SPAG6: variants seen among roughly 807,000 people sequenced by gnomAD.
SPAG6 encodes the protein sperm-associated antigen 6.
SPAG6 carries 49 observed loss-of-function variants against 58.5 expected under a neutral mutation model. The ratio of observed to expected loss-of-function variants is 0.84; its 90% CI spans 0.67 to 1.06. The LOEUF (loss-of-function observed/expected upper bound fraction) is 1.06, where lower values mean the gene tolerates loss of function less well. SPAG6 is among the 50% of genes least tolerant of loss of function. The pLI is 0.00. For synonymous variants in SPAG6, 233 were observed against 225.6 expected (o/e 1.03, Z -0.29); for missense variants, 560 against 611.3 (o/e 0.92, Z 0.89).
chr10:22,349,388 C>G (rs756040002), intron 2 of SPAG6, among the ~76,000 whole-genome samples: 2 of 152,152 alleles, frequency 1.3e-5, no homozygotes, highest in Non-Finnish European at 2.9e-5. Context: ...TACTTCCCGT[C>G]TGAATAATTA....
Position 22,417,468 on chromosome 10 carries a change from C to G in SPAG6, c.*780C>G, listed in dbSNP as rs1185935516. 1 of 152,164 alleles carries G rather than the reference C, an allele frequency of 6.6e-6. No homozygotes were observed. Among genetic ancestry groups the G allele is most frequent in the East Asian group, 1.9e-4 (1 of 5,198 alleles). 9.4% of individuals were successfully genotyped at this position (152,164 alleles called of 1,614,324 possible). A position where few individuals can be genotyped will look rare whatever the true frequency, so the allele number is the denominator to read the frequency against. ...GATCCTTGTCCTAACGTCACTTTCC[C>G]AAGTTTCAAAAGTCACATTTTCAGG... On this transcript the variant is annotated 3_prime_UTR_variant, in exon 11 of 11. Coordinates refer to ENST00000376624, the MANE Select transcript of SPAG6 (RefSeq NM_012443.4).
At position 22,387,910 on chromosome 10, in the gene SPAG6, G is replaced by T; in HGVS notation, c.766G>T (p.Val256Leu). 1.2e-6 allele frequency: 2 copies of T among 1,613,184 alleles called. No individual in the cohort carries two copies. The highest frequency in any genetic ancestry group is 1.7e-6 in the Non-Finnish European group (2 of 1,179,608). Reference protein sequence around the residue: ...MVVEAEIFPVVLTCLKDKDEY... With the variant: ...MVVEAEIFPVLLTCLKDKDEY... ...TGTTGAAGCAGAGATTTTTCCAGTTGTACTTACCTGTCTGAAGGACAAGGA... is the reference window on the plus strand; with the variant it reads ...TGTTGAAGCAGAGATTTTTCCAGTTTTACTTACCTGTCTGAAGGACAAGGA... The change falls in exon 6 of 11, where the codon GTA becomes TTA. Residue 256 changes from valine to leucine, a missense_variant. Coordinates refer to ENST00000376624, the MANE Select transcript of SPAG6 (RefSeq NM_012443.4).
rs1353996396 is a variant in SPAG6 at position 22,346,513 on chromosome 10, C to CTCTTCT, written c.121+706_121+711dup. On this transcript the variant is annotated intron_variant, in intron 2 of 10. Transcript: ENST00000376624. ...TTCTTCTTCTTTCTTCTTCTTCTTC[C>CTCTTCT]TCTTCTTCTTCTTCTTTTCTTCTTT... Among the ~76,000 whole-genome samples the CTCTTCT allele has an allele frequency of 1.3e-3, 90 of 71,320 alleles. 2 individuals are homozygous for CTCTTCT. Among genetic ancestry groups the CTCTTCT allele is most frequent in the African/African-American group, 3.7e-3 (69 of 18,834 alleles). The allele number at this position is 71,320 out of a possible 152,430, so 46.8% of individuals were successfully genotyped here.
chr10:22,408,958 G>A (rs908348752), intron 9 of SPAG6, among the ~76,000 whole-genome samples: 7 of 152,176 alleles, frequency 4.6e-5, no homozygotes, highest in East Asian at 1.9e-4. Flanking sequence ...GACCCCTTGC[G>A]CTTCCCGAGT....
At position 22,345,917 on chromosome 10, in the gene SPAG6, G is replaced by T; in HGVS notation, c.121+99G>T. The T allele has an allele frequency of 6.4e-7, 1 of 1,573,204 alleles. No individual in the cohort carries two copies. Among genetic ancestry groups the T allele is most frequent in the Non-Finnish European group, 8.6e-7 (1 of 1,159,630 alleles). On this transcript the variant is annotated intron_variant, in intron 2 of 10. Transcript: ENST00000376624. The surrounding 1 kb of genome is among the most constrained non-coding windows in gnomAD (Gnocchi z 6.3). Reference sequence around the variant, plus strand: ...CGTGGAGCTCTTGGGGAGCCGCAGTGTGGGGACCGGAGTTCGCAAAAGCAT... The same window carrying T: ...CGTGGAGCTCTTGGGGAGCCGCAGTTTGGGGACCGGAGTTCGCAAAAGCAT...
chr10:22,373,346 GT>G (rs1833745628), intron 4 of SPAG6, among the ~76,000 whole-genome samples: 2 of 152,238 alleles, frequency 1.3e-5, no homozygotes, highest in South Asian at 4.1e-4. Flanking sequence ...AAAATGAAAA[GT>G]TTAAAATTCA....
At chr10:22,399,991 T>C (rs1834372929) in intron 8 of SPAG6, among the ~76,000 whole-genome samples, 1 of 152,160 alleles carries the variant, frequency 6.6e-6, no homozygotes, top group African/African-American at 2.4e-5. Flanking sequence ...TGAGGATAAA[T>C]GTGTCAAGCA....
rs1218619228 is a variant in SPAG6 at position 22,345,618 on chromosome 10, C to T, written c.7C>T (p.Gln3Ter). Reference sequence around the variant, plus strand: ...AGACGGCGGCGGGGGCGCCATGAGTCAGAGGCAGGTGCTGCAAGGTAGGGC... The same window carrying T: ...AGACGGCGGCGGGGGCGCCATGAGTTAGAGGCAGGTGCTGCAAGGTAGGGC... The part of the protein sequence containing the change: MS[Q>*]RQVLQVFEQY... The change falls in exon 1 of 11, where the codon CAG (glutamine) becomes TAG (stop). Residue 3 changes from glutamine (Q) to a stop codon, truncating the protein, a stop_gained. Coordinates refer to ENST00000376624, the MANE Select transcript of SPAG6 (RefSeq NM_012443.4). LOFTEE classifies it high-confidence loss of function. This position sits in a 1 kb window ranked among gnomAD's most constrained non-coding sequence, Gnocchi z 6.3. The T allele has an allele frequency of 1.3e-6, 2 of 1,535,464 alleles. No homozygotes were observed. The highest frequency in any genetic ancestry group is 1.8e-6 in the Non-Finnish European group (2 of 1,142,494).
intron 2 of SPAG6, among the ~76,000 whole-genome samples, chr10:22,355,318 A>G (rs1183529780): frequency 6.6e-6 from 1 of 152,176 alleles, no homozygotes; most frequent in Non-Finnish European, 1.5e-5. Context: ...CACATGGGAA[A>G]TGCTATATAA....
intron 5 of SPAG6, 108 bp downstream of exon 5, chr10:22,387,067 T>C (rs1009777272): frequency 5.1e-6 from 4 of 783,112 alleles, no homozygotes; most frequent in Non-Finnish European, 4.2e-6. Flanking sequence ...CAAATTATCA[T>C]TGAAAACAGA....
chr10:22,348,335 A>G (rs1836624673), intron 2 of SPAG6, among the ~76,000 whole-genome samples: 1 of 152,228 alleles, frequency 6.6e-6, no homozygotes, highest in African/African-American at 2.4e-5. Flanking sequence ...TTAAAAAATT[A>G]CAATTTTAAA....
At chr10:22,412,877 T>C (rs114368401) in intron 10 of SPAG6, 2,282 of 156,168 alleles carry the variant, frequency 0.015, 41 homozygotes, top group African/African-American at 0.051. Flanking sequence ...GGCCACAAAT[T>C]TATATTTTAA....
intron 4 of SPAG6, among the ~76,000 whole-genome samples, chr10:22,370,665 ACTCTT>A (rs1833662829): frequency 6.6e-6 from 1 of 152,094 alleles, no homozygotes. Context: ...GAAAAAGACA[ACTCTT>A]GTCATGCTTA....
chr10:22,391,937 GT>G lies in SPAG6; in HGVS notation c.1197+21del. ...CAAGTAAAAGTAAGTGCTTAATTCT[GT>G]TTTATGAAGATTTTGGCTCATTTAA... is the stretch of plus-strand genomic sequence containing the variant. On this transcript the variant is annotated intron_variant, in intron 8 of 10. Transcript: ENST00000376624. 1 of 1,561,816 alleles carries G rather than the reference GT, an allele frequency of 6.4e-7. No homozygotes were observed. Among genetic ancestry groups the G allele is most frequent in the Non-Finnish European group, 8.8e-7 (1 of 1,140,240 alleles).
chr10:22,380,495 C>T (rs1053480884), intron 4 of SPAG6, among the ~76,000 whole-genome samples: 16 of 151,954 alleles, frequency 1.1e-4, no homozygotes, highest in African/African-American at 3.4e-4. Flanking sequence ...TTTGTAGAGA[C>T]GGGGTTTTGC....
intron 9 of SPAG6, among the ~76,000 whole-genome samples, chr10:22,402,571 T>C (rs1003145324): frequency 9.2e-5 from 14 of 152,194 alleles, no homozygotes; most frequent in African/African-American, 3.4e-4. Flanking sequence ...AAGTTTCACA[T>C]TGCTGAAGCC....
intron 8 of SPAG6, among the ~76,000 whole-genome samples, chr10:22,399,763 T>C (rs1834369304): frequency 6.6e-6 from 1 of 152,188 alleles, no homozygotes; most frequent in South Asian, 2.1e-4. Flanking sequence ...TATTGTACAG[T>C]GTATGTGATT....
intron 2 of SPAG6, among the ~76,000 whole-genome samples, chr10:22,363,521 A>G (rs1302038109): frequency 6.6e-6 from 1 of 152,218 alleles, no homozygotes; most frequent in Non-Finnish European, 1.5e-5. Flanking sequence ...TAACCTAGCC[A>G]ACTTAGGCAC....
intron 4 of SPAG6, among the ~76,000 whole-genome samples, chr10:22,379,307 A>G (rs979171818): frequency 2.0e-5 from 3 of 152,172 alleles, no homozygotes; most frequent in African/African-American, 7.2e-5. Context: ...AGCCTCCATG[A>G]TGCCTGCCTC....
Sources: gnomAD v4.1 joint callset for allele counts (sites outside exome capture counted in the v4.1 genomes callset) on GRCh38, gnomAD v4.1.1 for gene constraint, Gnocchi (gnomAD v3.1) non-coding constraint, MANE v1.5 for transcripts, NCBI Gene and HGNC (gene_info 2026-07-23, HGNC 2026-07-21) for gene names.